Variants in TRIM49B observed in about 807,000 individuals in gnomAD.
The protein encoded by TRIM49B is tripartite motif containing 49B.
In TRIM49B, 18 loss-of-function variants were observed where a neutral mutation model predicts 31.8. The ratio of observed to expected loss-of-function variants is 0.57; its 90% CI spans 0.39 to 0.84. TRIM49B has a LOEUF of 0.84. Ranked by LOEUF, TRIM49B falls within the 40% of genes least tolerant of loss-of-function variation. The pLI is 0.00. For missense variants in TRIM49B, 494 were observed against 538.7 expected, an observed-to-expected ratio of 0.92 and a Z score of 0.82; for synonymous variants, 196 against 180.6, an observed-to-expected ratio of 1.09 and a Z score of -0.68.
At position 49,037,829 on chromosome 11, in the gene TRIM49B, G is replaced by T. The variant is rs1854553947; in HGVS notation, c.1211G>T (p.Arg404Ile). The change falls in exon 7 of 7, where the codon AGA becomes ATA. Residue 404 changes from arginine to isoleucine, a missense_variant. By Grantham distance (97) the Arg-to-Ile change is moderately conservative. This residue lies in a region of TRIM49B where 233 missense variants were observed against 281.4 expected (regional missense o/e 0.83). Transcript: ENST00000332682. ...CCACTTCTGCTGCAATATATCCCAA[G>T]ACCTACCAGCCGAGTAGGATTATTC... ...TSPLLLQYIP[R>I]PTSRVGLFLD... The T allele has an allele frequency of 6.2e-7, 1 of 1,613,796 alleles. No homozygotes were observed. The highest frequency in any genetic ancestry group is 1.7e-5 in the Admixed American group (1 of 59,994).
chr11:49,034,457 T>C (rs1438962129), intron 4 of TRIM49B, 81 bp downstream of exon 4: 2 of 1,611,108 alleles, frequency 1.2e-6, no homozygotes, highest in Non-Finnish European at 1.7e-6. Flanking sequence ...TCCATCTCCC[T>C]AATTTTATTT....
rs1195140166 is a variant in TRIM49B, at chr11:49,031,981, C to A, written c.382C>A (p.Pro128Thr). The change falls in exon 2 of 7, where the codon CCC becomes ACC. Residue 128 changes from proline (P) to threonine (T), a missense_variant. Pro to Thr is a conservative substitution (Grantham distance 38). Coordinates refer to ENST00000332682, the MANE Select transcript of TRIM49B (RefSeq NM_001206626.2). ...SQEHRDHRHC[P>T]IESAAEEHQE... ...GGAGCACCGGGATCACAGACACTGT[C>A]CCATTGAGTCGGCTGCTGAGGAACA... The A allele has an allele frequency of 1.2e-6, 2 of 1,612,002 alleles. No individual in the cohort carries two copies. The highest frequency in any genetic ancestry group is 1.3e-5 in the African/African-American group (1 of 74,982).
chr11:49,036,085 A>AC (rs1251557286), intron 5 of TRIM49B, among the ~76,000 whole-genome samples: 6 of 151,624 alleles, frequency 4.0e-5, no homozygotes, highest in Non-Finnish European at 8.8e-5. Context: ...TGGGGCAAAA[A>AC]AAAAGAAGGA....
intron 5 of TRIM49B, 93 bp from the exon 6 acceptor site, chr11:49,036,208 A>G: frequency 3.2e-6 from 5 of 1,576,320 alleles, no homozygotes; most frequent in South Asian, 1.1e-5. Context: ...GTGTAGATTC[A>G]AAGGATTCTC....
At chr11:49,034,786 C>T (rs1187309392) in intron 4 of TRIM49B, among the ~76,000 whole-genome samples, 1 of 152,146 alleles carries the variant, frequency 6.6e-6, no homozygotes, top group Non-Finnish European at 1.5e-5. Flanking sequence ...ATTTGGGTAA[C>T]AGGTTCAGTT....
In TRIM49B at chr11:49,031,664, T is replaced by G; in HGVS notation, c.65T>G (p.Phe22Cys). 1 of 1,613,988 alleles carries G rather than the reference T, an allele frequency of 6.2e-7. No individual in the cohort carries two copies. Among genetic ancestry groups the G allele is most frequent in the Non-Finnish European group, 8.5e-7 (1 of 1,179,868 alleles). Residue 22 changes from phenylalanine (F) to cysteine (C), a missense_variant, in exon 2 of 7, where the codon TTC becomes TGC. Transcript: ENST00000332682. ...ELICPICMNY[F>C]IDPVTIDCGH... The stretch of plus-strand genomic sequence containing the variant: ...ATCTGCCCCATCTGCATGAACTACT[T>G]CATAGACCCGGTCACCATAGACTGT...
Position 49,035,339 on chromosome 11 carries a change from A to ATTTTTT in TRIM49B, c.761+255_761+260dup, listed in dbSNP as rs1162056301. ...ACTAAAACAAACAATTTGATTCCTGATTTTTTTTTTTTTTTTTTTTTTTTT... is the reference window on the plus strand; with the variant it reads ...ACTAAAACAAACAATTTGATTCCTGATTTTTTTTTTTTTTTTTTTTTTTTTTTTTTT... On this transcript the variant is annotated intron_variant, in intron 5 of 6. Coordinates refer to ENST00000332682, the MANE Select transcript of TRIM49B (RefSeq NM_001206626.2). 6.6e-3 allele frequency among the ~76,000 whole-genome samples: 373 copies of ATTTTTT among 56,804 alleles called. 82 individuals are homozygous for ATTTTTT. The highest frequency in any genetic ancestry group is 0.011 in the African/African-American group (145 of 13,460). The allele number at this position is 56,804 out of a possible 152,430, so 37.3% of individuals were successfully genotyped here. A position where few individuals can be genotyped will look rare whatever the true frequency, so the allele number is the denominator to read the frequency against.
intron 6 of TRIM49B, among the ~76,000 whole-genome samples, chr11:49,037,084 A>G (rs1053718607): frequency 2.6e-5 from 4 of 152,212 alleles, no homozygotes; most frequent in African/African-American, 9.6e-5. Flanking sequence ...TTATCCAGAT[A>G]CCTAGAGCAG....
Position 49,035,128 on chromosome 11 carries a change from A to C in TRIM49B, c.761+11A>C. ...AGACATATTACACAGGTGAGTGTGT[A>C]CCTAGATTTTAGCATATGTTCTTTA... On this transcript the variant is annotated intron_variant, in intron 5 of 6. Coordinates refer to ENST00000332682, the MANE Select transcript of TRIM49B (RefSeq NM_001206626.2). The C allele has an allele frequency of 6.3e-7, 1 of 1,596,542 alleles. No individual in the cohort carries two copies. The highest frequency in any genetic ancestry group is 8.5e-7 in the Non-Finnish European group (1 of 1,174,964).
Position 49,031,989 on chromosome 11 carries a change from G to A in TRIM49B, c.390G>A (p.Glu130=), listed in dbSNP as rs1386656412. The change falls in exon 2 of 7, where the codon GAG becomes GAA. Residue 130 remains glutamate, a synonymous_variant. Transcript: ENST00000332682. Reference sequence around the variant, plus strand: ...GGGATCACAGACACTGTCCCATTGAGTCGGCTGCTGAGGAACACCAGGTAA... The same window carrying A: ...GGGATCACAGACACTGTCCCATTGAATCGGCTGCTGAGGAACACCAGGTAA... ...EHRDHRHCPI[E]SAAEEHQEKL... The A allele has an allele frequency of 1.9e-6, 3 of 1,612,014 alleles. No homozygotes were observed. Among genetic ancestry groups the A allele is most frequent in the Admixed American group, 3.3e-5 (2 of 60,012 alleles).
At chr11:49,035,279 G>C (rs554919478) in intron 5 of TRIM49B, among the ~76,000 whole-genome samples, 162 bp downstream of exon 5, 1 of 146,622 alleles carries the variant, frequency 6.8e-6, no homozygotes, top group East Asian at 2.1e-4. Context: ...AAAAGACAAG[G>C]CCACGAAGTA....
At position 49,034,147 on chromosome 11, in the gene TRIM49B, A is replaced by G. The variant is rs183073642; in HGVS notation, c.509A>G (p.Asp170Gly). The G allele has an allele frequency of 1.6e-3, 2,544 of 1,611,864 alleles. 28 individuals carry two copies. The African/African-American group carries it at 0.028, about 18-fold the overall frequency. The change falls in exon 4 of 7, where the codon GAT becomes GGT. Residue 170 changes from aspartate (D) to glycine (G), a missense_variant and splice_region_variant. Coordinates refer to ENST00000332682, the MANE Select transcript of TRIM49B (RefSeq NM_001206626.2). ...VETTRTRCWK[D>G]YVNLRLEAIR... ...TTGACTAACCCATTATCACTGCAGG[A>G]TTATGTGAATTTAAGGCTAGAAGCA...
rs1353878376 is a variant in TRIM49B, at chr11:49,037,785, C to T, written c.1167C>T (p.Arg389=). The T allele has an allele frequency of 6.2e-7, 1 of 1,613,866 alleles. No homozygotes were observed. The highest frequency in any genetic ancestry group is 8.5e-7 in the Non-Finnish European group (1 of 1,179,884). ...GGTGTGTTAAGAATGACATTCAACG[C>T]AGTCTCTTTACCACCTCCCCACTTC... ...LLGCVKNDIQ[R]SLFTTSPLLL... is the part of the protein sequence containing the mutation. The change falls in exon 7 of 7, where the codon CGC becomes CGT. Residue 389 remains arginine (R), a synonymous_variant. Coordinates refer to ENST00000332682, the MANE Select transcript of TRIM49B (RefSeq NM_001206626.2).
At chr11:49,034,024 T>A in intron 3 of TRIM49B, 122 bp from the exon 4 acceptor site, 1 of 1,547,064 alleles carries the variant, frequency 6.5e-7, no homozygotes, top group Non-Finnish European at 8.9e-7. Context: ...ATTTGTAGAT[T>A]CTAAGAACTG....
At position 49,031,752 on chromosome 11, in the gene TRIM49B, G is replaced by C; in HGVS notation, c.153G>C (p.Gln51His). Residue 51 changes from glutamine (Q) to histidine (H), a missense_variant, in exon 2 of 7, where the codon CAG becomes CAC. Physicochemically the swap from Gln to His is conservative, Grantham distance 24. Transcript: ENST00000332682. ...LNWKDSPFLV[Q>H]CSECTKSTGQ... ...GGAAAGACAGCCCATTTCTTGTCCA[G>C]TGCTCTGAATGCACAAAGTCAACAG... is the stretch of plus-strand genomic sequence containing the variant. The C allele has an allele frequency of 6.2e-7, 1 of 1,613,978 alleles. No individual in the cohort carries two copies. The highest frequency in any genetic ancestry group is 8.5e-7 in the Non-Finnish European group (1 of 1,179,868).
intron 1 of TRIM49B, among the ~76,000 whole-genome samples, chr11:49,029,827 T>C (rs767371128): frequency 3.4e-4 from 52 of 152,212 alleles, no homozygotes; most frequent in Non-Finnish European, 6.8e-4. Flanking sequence ...AAGATTATAA[T>C]ACCAATATGT....
rs753598252 is a variant in TRIM49B at position 49,035,122 on chromosome 11, G to C, written c.761+5G>C. 4.2e-5 allele frequency: 68 copies of C among 1,602,110 alleles called. 1 individual carries two copies. The highest frequency in any genetic ancestry group is 5.5e-5 in the Non-Finnish European group (65 of 1,176,408). On this transcript the variant is annotated splice_donor_5th_base_variant and intron_variant, in intron 5 of 6. Coordinates refer to ENST00000332682, the MANE Select transcript of TRIM49B (RefSeq NM_001206626.2). ...TTTTGGAGACATATTACACAGGTGA[G>C]TGTGTACCTAGATTTTAGCATATGT...
At chr11:49,030,517 C>T (rs1267110563) in intron 1 of TRIM49B, among the ~76,000 whole-genome samples, 4 of 151,964 alleles carry the variant, frequency 2.6e-5, no homozygotes, top group Admixed American at 6.6e-5. Flanking sequence ...CTGAGAATAC[C>T]GGTATCCTGG....
intron 3 of TRIM49B, among the ~76,000 whole-genome samples, chr11:49,033,497 G>A (rs1272801053): frequency 3.3e-5 from 5 of 151,908 alleles, no homozygotes; most frequent in African/African-American, 4.8e-5. Context: ...GTATGTATGT[G>A]TGTGTGTTTG....
Sources: gnomAD v4.1 joint callset for allele counts (sites outside exome capture counted in the v4.1 genomes callset) on GRCh38, gnomAD v4.1.1 for gene constraint, gnomAD v4.1.1 regional missense constraint, MANE v1.5 for transcripts, NCBI Gene and HGNC (gene_info 2026-07-23, HGNC 2026-07-21) for gene names.